The following NECTIN1 variants were observed in gnomAD, a reference collection of about 807,000 sequenced individuals.
NECTIN1 encodes nectin cell adhesion molecule 1.
A neutral mutation model predicts 48.0 loss-of-function variants in NECTIN1; 23 were observed. The ratio of observed to expected loss-of-function variants is 0.48; its 90% CI spans 0.34 to 0.68. The LOEUF is 0.68. Among genes scored for constraint, NECTIN1 ranks in the 30% least tolerant of loss-of-function variants. NECTIN1 has a pLI of 0.01. For missense variants in NECTIN1, 591 were observed against 709.9 expected, an observed-to-expected ratio of 0.83 and a Z score of 1.90; for synonymous variants, 270 against 288.9, an observed-to-expected ratio of 0.93 and a Z score of 0.66.
chr11:119,648,322 A>ATGGTGG (rs1298252121), intron 5 of NECTIN1, among the ~76,000 whole-genome samples: 5 of 4,260 alleles, frequency 1.2e-3, no homozygotes, highest in Non-Finnish European at 9.5e-4. Context: ...GGTGATGGTG[A>ATGGTGG]TGGTGGTGAT....
chr11:119,659,811 A>G (rs914889533), downstream of NECTIN1, among the ~76,000 whole-genome samples: 4 of 152,248 alleles, frequency 2.6e-5, no homozygotes, highest in African/African-American at 9.6e-5. Context: ...CGTTCTGTCC[A>G]CTGCTCTCTT....
downstream of NECTIN1, among the ~76,000 whole-genome samples, chr11:119,657,613 TTA>T (rs775464270): frequency 0.21 from 7,876 of 37,162 alleles, 362 homozygotes; most frequent in Non-Finnish European, 0.35. Flanking sequence ...GACTTTGTCT[TTA>T]AAAAAAAAAA....
At chr11:119,701,990 C>T (rs563303549) in intron 1 of NECTIN1, among the ~76,000 whole-genome samples, 8 of 152,320 alleles carry the variant, frequency 5.3e-5, no homozygotes, top group Admixed American at 4.6e-4. Flanking sequence ...AGCAAGCTGA[C>T]GTTGACTCAT....
In NECTIN1 at chr11:119,664,582, C is replaced by A. The variant is rs574144297; in HGVS notation, c.*165G>T. 1.5e-3 allele frequency: 2,179 copies of A among 1,436,400 alleles called. 1 individual carries two copies. Among genetic ancestry groups the A allele is most frequent in the Non-Finnish European group, 1.9e-3 (2,045 of 1,096,652 alleles). The allele number at this position is 1,436,400 out of a possible 1,614,324, so 89.0% of individuals were successfully genotyped here. A position where few individuals can be genotyped will look rare whatever the true frequency, so the allele number is the denominator to read the frequency against. On this transcript the variant is annotated 3_prime_UTR_variant, in exon 6 of 6. Coordinates refer to ENST00000264025, the MANE Select transcript of NECTIN1 (RefSeq NM_002855.5). ...GAGGAAATAAAACACAAAGCCAAGT[C>A]GTGGCTGCCCTGGGCTCCCCTGGCC...
At chr11:119,694,208 G>GA (rs1349063076) in intron 1 of NECTIN1, among the ~76,000 whole-genome samples, 2 of 152,108 alleles carry the variant, frequency 1.3e-5, no homozygotes, top group African/African-American at 2.4e-5. Context: ...CAGTTAGTGG[G>GA]AATCAGGGGA....
chr11:119,696,799 A>G (rs1199914408), intron 1 of NECTIN1, among the ~76,000 whole-genome samples: 2 of 152,214 alleles, frequency 1.3e-5, no homozygotes, highest in Non-Finnish European at 2.9e-5. Flanking sequence ...CAGGCCCCGG[A>G]AAGCAGGACT....
At chr11:119,681,328 C>T (rs368964768) in intron 1 of NECTIN1, among the ~76,000 whole-genome samples, 10 of 152,292 alleles carry the variant, frequency 6.6e-5, no homozygotes, top group African/African-American at 1.9e-4. Flanking sequence ...CAGGTGAGAG[C>T]GCAGGGAAGG....
intron 1 of NECTIN1, among the ~76,000 whole-genome samples, chr11:119,687,864 T>C (rs1865185624): frequency 6.6e-6 from 1 of 152,084 alleles, no homozygotes; most frequent in Non-Finnish European, 1.5e-5. Flanking sequence ...TGTCCAGCTA[T>C]GGGCAGCTGC....
chr11:119,679,706 GT>G (rs2135553415), intron 1 of NECTIN1, among the ~76,000 whole-genome samples: 1 of 152,116 alleles, frequency 6.6e-6, no homozygotes, highest in African/African-American at 2.4e-5. Flanking sequence ...AGGATCTAGT[GT>G]GAGCATTTGG....
intron 5 of NECTIN1, among the ~76,000 whole-genome samples, chr11:119,669,650 C>T (rs1240504556): frequency 4.6e-5 from 7 of 152,166 alleles, no homozygotes; most frequent in Admixed American, 1.3e-4. Context: ...AGAGCCTTAA[C>T]GTGCTCTGCT....
intron 1 of NECTIN1, among the ~76,000 whole-genome samples, chr11:119,702,565 C>G (rs1318754528): frequency 6.9e-6 from 1 of 145,818 alleles, no homozygotes; most frequent in African/African-American, 2.6e-5. Context: ...TCCTACCTCA[C>G]CAGGGGCATT....
rs1170809588 is a variant in NECTIN1 at position 119,648,430 on chromosome 11, ATGGTGG to A, written c.1004-8424_1004-8419del. On this transcript the variant is annotated intron_variant, in intron 5 of 7. Coordinates refer to the NECTIN1 transcript ENST00000341398. The stretch of plus-strand genomic sequence containing the variant: ...GGTGATGGTGGTGGTGATGGTGGTG[ATGGTGG>A]TGGTGCTGGGCCAGCTGCATGAAGA... 1.1e-4 allele frequency among the ~76,000 whole-genome samples: 2 copies of A among 17,590 alleles called. 1 individual carries two copies. The highest frequency in any genetic ancestry group is 2.2e-4 in the Non-Finnish European group (2 of 9,194). The allele number at this position is 17,590 out of a possible 152,430, so 11.5% of individuals were successfully genotyped here.
chr11:119,639,493 T>C (rs2135521915), intron 6 of NECTIN1: 1 of 355,260 alleles, frequency 2.8e-6, no homozygotes. Context: ...TCTCTGGTCC[T>C]AGGTCTGCCC....
chr11:119,669,668 C>T (rs1405343521), intron 5 of NECTIN1, among the ~76,000 whole-genome samples: 1 of 152,154 alleles, frequency 6.6e-6, no homozygotes, highest in African/African-American at 2.4e-5. Flanking sequence ...GCTTGCCCTA[C>T]GCCCCGCCCC....
chr11:119,709,150 T>C lies in NECTIN1; in HGVS notation c.79+19325A>G, dbSNP rs886687123. Among the ~76,000 whole-genome samples, 2 of 152,090 alleles carry C rather than the reference T, an allele frequency of 1.3e-5. No homozygotes were observed. The highest frequency in any genetic ancestry group is 4.8e-5 in the African/African-American group (2 of 41,404). On this transcript the variant is annotated intron_variant, in intron 1 of 5. Transcript: ENST00000264025. The surrounding 1 kb of genome is among the most constrained non-coding windows in gnomAD (Gnocchi z 4.1). ...GTCACCTGACAAGCCACACCACCTATTTTTGAAGACAGGCGGGTCCCTTGG... is the reference window on the plus strand; with the variant it reads ...GTCACCTGACAAGCCACACCACCTACTTTTGAAGACAGGCGGGTCCCTTGG...
intron 7 of NECTIN1, chr11:119,638,386 T>C (rs1864269351): frequency 8.4e-7 from 1 of 1,184,206 alleles, no homozygotes; most frequent in Admixed American, 2.0e-5. Flanking sequence ...GGTGACTGTC[T>C]TGGAGGGCAC....
rs527865942 is a variant in NECTIN1 at position 119,644,270 on chromosome 11, C to T, written c.1004-4258G>A. Among the ~76,000 whole-genome samples the T allele has an allele frequency of 5.9e-5, 9 of 152,300 alleles. No homozygotes were observed. The South Asian group carries it at 1.2e-3, about 21-fold the overall frequency. On this transcript the variant is annotated intron_variant, in intron 5 of 7. Transcript: ENST00000341398. Reference sequence around the variant, plus strand: ...GGTTCATTCTGGGGGCTGCAGGCCGCGTGCTACTGGGGCTTCTCTGCTCTT... The same window carrying T: ...GGTTCATTCTGGGGGCTGCAGGCCGTGTGCTACTGGGGCTTCTCTGCTCTT...
chr11:119,728,699 TGGGCTGGGTGGG>T lies in NECTIN1; in HGVS notation c.-158_-147del. 2 of 50,676 alleles carry T rather than the reference TGGGCTGGGTGGG, an allele frequency of 3.9e-5. No homozygotes were observed. The highest frequency in any genetic ancestry group is 2.4e-4 in the Admixed American group (1 of 4,182). The allele number at this position is 50,676 out of a possible 1,614,324, so 3.1% of individuals were successfully genotyped here. A position where few individuals can be genotyped will look rare whatever the true frequency, so the allele number is the denominator to read the frequency against. Reference sequence around the variant, plus strand: ...GCTGCAGCCGTCGGCCGGGGCGGGGTGGGCTGGGTGGGATCCGCGCGGCCGCAGTCCGGGCCC... The same window carrying T: ...GCTGCAGCCGTCGGCCGGGGCGGGGTATCCGCGCGGCCGCAGTCCGGGCCC... On this transcript the variant is annotated 5_prime_UTR_variant, in exon 1 of 6. Coordinates refer to ENST00000264025, the MANE Select transcript of NECTIN1 (RefSeq NM_002855.5).
chr11:119,652,101 T>C (rs754149503), intron 5 of NECTIN1, among the ~76,000 whole-genome samples: 4 of 152,210 alleles, frequency 2.6e-5, no homozygotes, highest in Admixed American at 1.3e-4. Flanking sequence ...CAACCCATTA[T>C]AGTCAACAGG....
Sources: allele counts gnomAD v4.1 joint callset (sites outside exome capture counted in the v4.1 genomes callset), GRCh38; gene constraint gnomAD v4.1.1; non-coding constraint Gnocchi (gnomAD v3.1); transcripts MANE v1.5; gene names NCBI Gene and HGNC (gene_info 2026-07-23, HGNC 2026-07-21).